Variants in PCDH7 observed in about 807,000 individuals in gnomAD.
PCDH7 encodes protocadherin 7.
Under a neutral mutation model 58.9 loss-of-function variants are expected in PCDH7, and 17 were observed. The ratio of observed to expected loss-of-function variants is 0.29; its 90% confidence interval spans 0.20 to 0.43. PCDH7 has a LOEUF of 0.43. PCDH7 is among the 20% of genes least tolerant of loss of function. PCDH7 has a pLI of 1.00. For synonymous variants in PCDH7, 664 were observed against 616.4 expected, an observed-to-expected ratio of 1.08 and a Z score of -1.14; for missense variants, 1,274 against 1,441.0, an observed-to-expected ratio of 0.88 and a Z score of 1.88.
At chr4:30,776,767 A>T (rs769030280) in intron 1 of PCDH7, among the ~76,000 whole-genome samples, 12 of 152,134 alleles carry the variant, frequency 7.9e-5, no homozygotes, top group Non-Finnish European at 1.2e-4. Context: ...TTAAGAAATG[A>T]GGAAAACCTA....
intron 3 of PCDH7, among the ~76,000 whole-genome samples, chr4:31,014,334 A>C (rs1753443145): frequency 2.0e-5 from 3 of 152,218 alleles, no homozygotes; most frequent in Non-Finnish European, 4.4e-5. Context: ...TGACTTGTTG[A>C]AAAAGTTACC....
intron 1 of PCDH7, among the ~76,000 whole-genome samples, chr4:30,918,444 TA>T (rs1452467653): frequency 6.6e-6 from 1 of 152,086 alleles, no homozygotes; most frequent in African/African-American, 2.4e-5. Flanking sequence ...TACATTTCTT[TA>T]TTTTTTTTAA....
intron 1 of PCDH7, chr4:30,724,895 T>C: frequency 8.5e-7 from 1 of 1,171,860 alleles, no homozygotes; most frequent in Non-Finnish European, 1.1e-6. Context: ...ATTTTTTTGT[T>C]TCCAGAATAA....
intron 3 of PCDH7, among the ~76,000 whole-genome samples, chr4:30,992,067 G>T (rs763547380): frequency 1.3e-5 from 2 of 152,116 alleles, no homozygotes; most frequent in Non-Finnish European, 2.9e-5. Flanking sequence ...GAAGCCTTCT[G>T]AGGCCTCAGT....
At chr4:30,728,913 A>T (rs898479663) in intron 1 of PCDH7, among the ~76,000 whole-genome samples, 1 of 151,720 alleles carries the variant, frequency 6.6e-6, no homozygotes, top group African/African-American at 2.4e-5. Context: ...TAGCTGTATT[A>T]GTCTTTTATT....
chr4:30,773,179 A>G (rs1242388105), intron 1 of PCDH7, among the ~76,000 whole-genome samples: 1 of 152,244 alleles, frequency 6.6e-6, no homozygotes, highest in Non-Finnish European at 1.5e-5. Context: ...TTGGGATTAC[A>G]GTCATGAGCT....
intron 1 of PCDH7, among the ~76,000 whole-genome samples, chr4:30,744,273 T>C (rs1055087596): frequency 6.6e-6 from 1 of 152,140 alleles, no homozygotes; most frequent in Non-Finnish European, 1.5e-5. Flanking sequence ...CTAACAAATT[T>C]ACATTTTTAA....
At chr4:31,124,309 A>G (rs894610099) in intron 3 of PCDH7, among the ~76,000 whole-genome samples, 7 of 152,212 alleles carry the variant, frequency 4.6e-5, no homozygotes, top group Admixed American at 6.5e-5. Context: ...TTTACTTCTC[A>G]GAACAACCCA....
chr4:30,738,448 T>C (rs1391599984), intron 1 of PCDH7, among the ~76,000 whole-genome samples: 2 of 152,160 alleles, frequency 1.3e-5, no homozygotes, highest in African/African-American at 4.8e-5. Flanking sequence ...TATATGAATC[T>C]ATACTACGTT....
At chr4:30,839,363 A>G (rs1730921069) in intron 1 of PCDH7, among the ~76,000 whole-genome samples, 1 of 152,166 alleles carries the variant, frequency 6.6e-6, no homozygotes, top group Admixed American at 6.6e-5. Context: ...AACAGAAGTA[A>G]CGATAGTTTT....
intron 1 of PCDH7, among the ~76,000 whole-genome samples, chr4:30,880,572 C>T (rs1354696872): frequency 1.3e-5 from 2 of 152,040 alleles, no homozygotes; most frequent in East Asian, 1.9e-4. Flanking sequence ...TGTCATACAA[C>T]CTGAAGCAAA....
At position 30,994,935 on chromosome 4, in the gene PCDH7, T is replaced by A. The variant is rs1322399245; in HGVS notation, c.*7+44720T>A. On this transcript the variant is annotated intron_variant, in intron 3 of 3. Coordinates refer to the PCDH7 transcript ENST00000509759. ...AATGTGGCTAGTCAAAATTGAGATG[T>A]GTGGTCAGTATTACAAGCACACCAG... is the stretch of plus-strand genomic sequence containing the variant. Among the ~76,000 whole-genome samples, 3 of 152,294 alleles carry A rather than the reference T, an allele frequency of 2.0e-5. No individual in the cohort carries two copies. The East Asian group carries it at 5.8e-4, about 29-fold the overall frequency.
intron 1 of PCDH7, among the ~76,000 whole-genome samples, chr4:30,807,501 G>T (rs1726383603): frequency 1.3e-5 from 2 of 152,090 alleles, no homozygotes; most frequent in African/African-American, 4.8e-5. Flanking sequence ...TGAGGATATT[G>T]GGCTTTAAAG....
Position 30,796,651 on chromosome 4 carries a change from G to A in PCDH7, c.70+72055G>A, listed in dbSNP as rs370945488. On this transcript the variant is annotated intron_variant, in intron 1 of 3. Coordinates refer to the PCDH7 transcript ENST00000509759. Reference sequence around the variant, plus strand: ...ACAGAACAATTTACTTCTTGTTTGAGTGTGCTCAGATATATCCAGTGCCAG... The same window carrying A: ...ACAGAACAATTTACTTCTTGTTTGAATGTGCTCAGATATATCCAGTGCCAG... 3.3e-4 allele frequency among the ~76,000 whole-genome samples: 50 copies of A among 152,314 alleles called. No homozygotes were observed. The South Asian group carries it at 0.01, about 32-fold the overall frequency.
At chr4:30,965,860 T>A (rs1214190349) in intron 3 of PCDH7, among the ~76,000 whole-genome samples, 2 of 152,154 alleles carry the variant, frequency 1.3e-5, no homozygotes, top group African/African-American at 4.8e-5. Context: ...CATTTTCCTA[T>A]GTGCAGAAGC....
intron 3 of PCDH7, among the ~76,000 whole-genome samples, chr4:31,096,563 G>C (rs1326036763): frequency 6.6e-6 from 1 of 152,174 alleles, no homozygotes; most frequent in Non-Finnish European, 1.5e-5. Flanking sequence ...TCAGAAGGTT[G>C]AGTTAAATCT....
chr4:30,775,984 CTAAGACA>C (rs1393981590), intron 1 of PCDH7, among the ~76,000 whole-genome samples: 2 of 152,164 alleles, frequency 1.3e-5, no homozygotes, highest in African/African-American at 2.4e-5. Context: ...TCATTTCCCT[CTAAGACA>C]TAGAATGTTG....
chr4:30,933,089 T>TG (rs1336993234), intron 2 of PCDH7, among the ~76,000 whole-genome samples: 1 of 151,778 alleles, frequency 6.6e-6, no homozygotes, highest in Non-Finnish European at 1.5e-5. Flanking sequence ...TGCAGTGGCC[T>TG]GATCTCGGCT....
At chr4:30,956,272 T>G (rs1173717409) in intron 3 of PCDH7, among the ~76,000 whole-genome samples, 2 of 152,084 alleles carry the variant, frequency 1.3e-5, no homozygotes, top group Non-Finnish European at 1.5e-5. Flanking sequence ...TCTGTTGTTC[T>G]ATAATAACTA....
Sources: gnomAD v4.1 joint callset for allele counts (sites outside exome capture counted in the v4.1 genomes callset) on GRCh38, gnomAD v4.1.1 for gene constraint, MANE v1.5 for transcripts, NCBI Gene and HGNC (gene_info 2026-07-23, HGNC 2026-07-21) for gene names.